The following SUCLG2 variants were observed in gnomAD, a reference collection of about 807,000 sequenced individuals.
The protein encoded by SUCLG2 is succinate-CoA ligase GDP-forming subunit beta.
In SUCLG2, 42 loss-of-function variants were observed where a neutral mutation model predicts 47.9. The observed-to-expected ratio is 0.88, with a 90% CI of 0.69 to 1.14. The LOEUF (loss-of-function observed/expected upper bound fraction) is 1.14. Among genes scored for constraint, SUCLG2 ranks in the 50% most tolerant of loss-of-function variants. The pLI, the probability that SUCLG2 is intolerant of heterozygous loss-of-function variation, is 0.00. For synonymous variants in SUCLG2, 195 were observed against 197.3 expected, an observed-to-expected ratio of 0.99 and a Z score of 0.10; for missense variants, 571 against 525.9, an observed-to-expected ratio of 1.09 and a Z score of -0.84.
intron 10 of SUCLG2, among the ~76,000 whole-genome samples, chr3:67,376,674 C>T (rs1389926711): frequency 6.6e-6 from 1 of 152,044 alleles, no homozygotes; most frequent in Non-Finnish European, 1.5e-5. Flanking sequence ...TAAAAAGAGG[C>T]ACTGGGTCAG....
intron 9 of SUCLG2, among the ~76,000 whole-genome samples, chr3:67,453,216 C>G (rs1356938005): frequency 9.5e-6 from 1 of 105,734 alleles, no homozygotes; most frequent in East Asian, 2.3e-4. Context: ...TCAGTACATT[C>G]AGACTTCTTT....
intron 4 of SUCLG2, among the ~76,000 whole-genome samples, chr3:67,522,696 C>T (rs1706142138): frequency 6.8e-6 from 1 of 147,726 alleles, no homozygotes; most frequent in African/African-American, 2.5e-5. Context: ...CAGAGTCTCG[C>T]TCTGTCGCCC....
chr3:67,572,486 A>T (rs1239622028), intron 2 of SUCLG2, among the ~76,000 whole-genome samples: 1 of 152,220 alleles, frequency 6.6e-6, no homozygotes, highest in Non-Finnish European at 1.5e-5. Flanking sequence ...TTAAAATATC[A>T]GTGTTCTTAC....
chr3:67,474,334 T>C (rs1339314943), intron 9 of SUCLG2, among the ~76,000 whole-genome samples: 2 of 152,122 alleles, frequency 1.3e-5, no homozygotes, highest in African/African-American at 4.8e-5. Context: ...TTTCTATATA[T>C]TGAAGAGATG....
intron 2 of SUCLG2, among the ~76,000 whole-genome samples, chr3:67,536,337 T>G (rs1324647709): frequency 6.6e-6 from 1 of 152,264 alleles, no homozygotes; most frequent in East Asian, 1.9e-4. Context: ...ATCATCTACC[T>G]TCTTGAATAG....
At chr3:67,647,312 A>G (rs984888181) in intron 1 of SUCLG2, among the ~76,000 whole-genome samples, 6 of 152,236 alleles carry the variant, frequency 3.9e-5, no homozygotes, top group Admixed American at 2.0e-4. Context: ...AAATCTATGC[A>G]TTTATGGCTA....
chr3:67,421,031 T>G (rs146576254), intron 9 of SUCLG2, among the ~76,000 whole-genome samples: 358 of 152,320 alleles, frequency 2.4e-3, no homozygotes, highest in African/African-American at 8.2e-3. Context: ...AAGCACATCA[T>G]AAGTATCAGG....
intron 9 of SUCLG2, among the ~76,000 whole-genome samples, chr3:67,480,674 C>T (rs1456928828): frequency 6.6e-6 from 1 of 152,208 alleles, no homozygotes; most frequent in South Asian, 2.1e-4. Context: ...TGAGCTTCCA[C>T]AGAAAACCCC....
intron 6 of SUCLG2, among the ~76,000 whole-genome samples, chr3:67,510,609 G>A (rs1051340752): frequency 1.4e-4 from 22 of 152,200 alleles, no homozygotes; most frequent in African/African-American, 5.1e-4. Context: ...TTACTTAACA[G>A]AATTTTAGAG....
intron 10 of SUCLG2, among the ~76,000 whole-genome samples, chr3:67,383,940 T>C (rs1432116153): frequency 6.6e-6 from 1 of 152,216 alleles, no homozygotes; most frequent in South Asian, 2.1e-4. Flanking sequence ...TGCATGTGAA[T>C]TTACCTTTCA....
rs1362064222 is a variant in SUCLG2, at chr3:67,488,825, C to T, written c.1062+6973G>A. On this transcript the variant is annotated intron_variant, in intron 9 of 10. Coordinates refer to ENST00000307227, the MANE Select transcript of SUCLG2 (RefSeq NM_003848.4). ...ATGGCATTATACTTTGATTCATGGT[C>T]CATTTCTCTTTAACACTCTACAAAG... Among the ~76,000 whole-genome samples, 3 of 152,174 alleles carry T rather than the reference C, an allele frequency of 2.0e-5. No individual in the cohort carries two copies. In the East Asian group the frequency reaches 5.8e-4, roughly 29 times the overall value.
chr3:67,458,183 T>C (rs1427589806), intron 9 of SUCLG2, among the ~76,000 whole-genome samples: 2 of 152,098 alleles, frequency 1.3e-5, no homozygotes, highest in East Asian at 3.9e-4. Context: ...ACAAGAACAG[T>C]GGAAGAATGG....
At chr3:67,612,277 T>G (rs1275955793) in intron 1 of SUCLG2, among the ~76,000 whole-genome samples, 1 of 151,706 alleles carries the variant, frequency 6.6e-6, no homozygotes, top group Non-Finnish European at 1.5e-5. Context: ...GAGGACAACT[T>G]GAGCCTGGAA....
chr3:67,370,111 T>G (rs1575652491), downstream of SUCLG2, among the ~76,000 whole-genome samples: 2 of 152,322 alleles, frequency 1.3e-5, no homozygotes, highest in African/African-American at 4.8e-5. Flanking sequence ...CACGCAATAT[T>G]CTGAAAGTTT....
chr3:67,618,454 T>A (rs896846949), intron 1 of SUCLG2, among the ~76,000 whole-genome samples: 2 of 152,206 alleles, frequency 1.3e-5, no homozygotes, highest in Non-Finnish European at 2.9e-5. Context: ...TAAGTAAATT[T>A]ACTTTTCATC....
intron 9 of SUCLG2, among the ~76,000 whole-genome samples, chr3:67,431,644 A>G (rs958654787): frequency 4.6e-5 from 7 of 152,028 alleles, no homozygotes; most frequent in Admixed American, 3.9e-4. Flanking sequence ...AAGGACAGAA[A>G]ACCAAACACC....
At chr3:67,370,556 C>T (rs1701939089), downstream of SUCLG2, among the ~76,000 whole-genome samples, 1 of 152,078 alleles carries the variant, frequency 6.6e-6, no homozygotes, top group African/African-American at 2.4e-5. Context: ...GCAGGGCATC[C>T]AAGACTCCCG....
chr3:67,471,642 AATG>A (rs1704607221), intron 9 of SUCLG2, among the ~76,000 whole-genome samples: 1 of 152,064 alleles, frequency 6.6e-6, no homozygotes, highest in Non-Finnish European at 1.5e-5. Context: ...GTGGGAGAGA[AATG>A]ATGATGATGA....
At chr3:67,586,749 G>A (rs1183117017) in intron 2 of SUCLG2, among the ~76,000 whole-genome samples, 1 of 152,174 alleles carries the variant, frequency 6.6e-6, no homozygotes, top group Non-Finnish European at 1.5e-5. Flanking sequence ...ACAGGTGGAG[G>A]TTCCAATTCC....
Sources: allele counts gnomAD v4.1 joint callset (sites outside exome capture counted in the v4.1 genomes callset), GRCh38; gene constraint gnomAD v4.1.1; transcripts MANE v1.5; gene names NCBI Gene and HGNC (gene_info 2026-07-23, HGNC 2026-07-21).